Variants in LPIN1 observed in about 807,000 individuals in gnomAD.
LPIN1 encodes the protein lipin 1, also known as phosphatidate phosphatase LPIN1.
Under a neutral mutation model 107.5 loss-of-function variants are expected in LPIN1, and 71 were observed. That is an observed-to-expected ratio of 0.66 (90% confidence interval 0.55 to 0.80). The LOEUF (loss-of-function observed/expected upper bound fraction) is 0.80. Ranked by LOEUF, LPIN1 falls within the 30% of genes least tolerant of loss-of-function variation. The pLI, the probability that LPIN1 is intolerant of heterozygous loss-of-function variation, is 0.00. For synonymous variants in LPIN1, 445 were observed against 452.6 expected (o/e 0.98, Z 0.21); for missense variants, 1,043 against 1,160.6 (o/e 0.90, Z 1.47).
In LPIN1 at chr2:11,707,037, C is replaced by T. The variant is rs1338277249; in HGVS notation, c.82-6719C>T. Among the ~76,000 whole-genome samples, 23 of 152,180 alleles carry T rather than the reference C, an allele frequency of 1.5e-4. No individual in the cohort carries two copies. Among genetic ancestry groups the T allele is most frequent in the South Asian group, 8.3e-4 (4 of 4,824 alleles). Reference sequence around the variant, plus strand: ...TGAAAGAGCATGGGTACTGACTAAACGTTACCTTTGTAGCAATTAGCCATA... The same window carrying T: ...TGAAAGAGCATGGGTACTGACTAAATGTTACCTTTGTAGCAATTAGCCATA... On this transcript the variant is annotated intron_variant, in intron 1 of 21. Transcript: ENST00000449576. The surrounding 1 kb of genome is among the most constrained non-coding windows in gnomAD (Gnocchi z 4.2).
intron 3 of LPIN1, among the ~76,000 whole-genome samples, chr2:11,770,608 A>T (rs1671685187): frequency 6.6e-6 from 1 of 152,166 alleles, no homozygotes; most frequent in South Asian, 2.1e-4. Flanking sequence ...TATTTGAATG[A>T]TCAGCAGCAC....
At chr2:11,720,893 A>G (rs1327029583), upstream of LPIN1, among the ~76,000 whole-genome samples, 1 of 151,940 alleles carries the variant, frequency 6.6e-6, no homozygotes, top group Non-Finnish European at 1.5e-5. Flanking sequence ...CATATGAAGC[A>G]AGGTGCGAGA....
chr2:11,733,878 G>A (rs1332020086), intron 1 of LPIN1, among the ~76,000 whole-genome samples: 3 of 152,172 alleles, frequency 2.0e-5, no homozygotes, highest in African/African-American at 4.8e-5. Context: ...AAGTTCCATT[G>A]TACAAAAAGC....
rs375829100 is a variant in LPIN1 at position 11,796,296 on chromosome 2, C to T, written c.1886+809C>T. ...AGTCGTTTCCAAAGTGTTGCTCAAC[C>T]GTCACTGAACCACTGAGGTTTTCTC... is the stretch of plus-strand genomic sequence containing the variant. On this transcript the variant is annotated intron_variant, in intron 14 of 20. Coordinates refer to ENST00000674199, the MANE Select transcript of LPIN1 (RefSeq NM_001349206.2). Among the ~76,000 whole-genome samples the T allele has an allele frequency of 6.6e-5, 10 of 152,122 alleles. No individual in the cohort carries two copies. In the East Asian group the frequency reaches 1.2e-3, roughly 18 times the overall value.
At chr2:11,795,270 G>A (rs1260037308) in intron 13 of LPIN1, 138 bp from the exon 14 acceptor site, 5 of 734,796 alleles carry the variant, frequency 6.8e-6, no homozygotes, top group South Asian at 2.9e-5. Context: ...CCTCCTGGGC[G>A]ATCGCTAGGG....
intron 12 of LPIN1, among the ~76,000 whole-genome samples, chr2:11,790,180 T>G (rs1251117357): frequency 1.3e-5 from 2 of 152,224 alleles, no homozygotes; most frequent in Non-Finnish European, 2.9e-5. Context: ...AGCAAACCAG[T>G]TTTTTTCTCA....
chr2:11,733,637 G>A (rs1665495741), intron 1 of LPIN1, among the ~76,000 whole-genome samples: 1 of 152,082 alleles, frequency 6.6e-6, no homozygotes. Flanking sequence ...GATTACAGGT[G>A]TGCACAACGA....
intron 2 of LPIN1, among the ~76,000 whole-genome samples, chr2:11,719,080 C>G (rs1663947237): frequency 6.6e-6 from 1 of 152,046 alleles, no homozygotes; most frequent in South Asian, 2.1e-4. Flanking sequence ...CTAATTATTT[C>G]TTCTTTACAG....
At chr2:11,804,392 C>T in intron 15 of LPIN1, 31 bp from the exon 16 acceptor site, 2 of 1,613,716 alleles carry the variant, frequency 1.2e-6, no homozygotes, top group Non-Finnish European at 1.7e-6. Flanking sequence ...TTCCCTCAAG[C>T]AGACAAATAC....
chr2:11,740,051 C>T (rs1002841356), intron 1 of LPIN1, among the ~76,000 whole-genome samples: 2 of 152,202 alleles, frequency 1.3e-5, no homozygotes. Context: ...GGTGACATAG[C>T]TCAGTCTGAG....
chr2:11,810,180 A>T (rs1390105224), intron 17 of LPIN1, among the ~76,000 whole-genome samples: 1 of 152,170 alleles, frequency 6.6e-6, no homozygotes, highest in Non-Finnish European at 1.5e-5. Context: ...GGGAGGAGAC[A>T]CTTAGGGCTC....
chr2:11,681,230 T>C (rs79780569), intron 1 of LPIN1, among the ~76,000 whole-genome samples: 10,596 of 152,224 alleles, frequency 0.07, 489 homozygotes, highest in Middle Eastern at 0.14. Flanking sequence ...TCAAGGCCCC[T>C]CAAAGGCTGG....
intron 20 of LPIN1, among the ~76,000 whole-genome samples, chr2:11,820,920 C>T (rs1163790976): frequency 6.6e-6 from 1 of 152,200 alleles, no homozygotes; most frequent in Non-Finnish European, 1.5e-5. Flanking sequence ...TTACCAGAGA[C>T]ATTGCTGTGT....
chr2:11,776,568 G>C (rs1237195342), intron 6 of LPIN1, among the ~76,000 whole-genome samples: 1 of 151,924 alleles, frequency 6.6e-6, no homozygotes, highest in Non-Finnish European at 1.5e-5. Context: ...TCTGTTTTCT[G>C]TCTCGGGTTG....
intron 1 of LPIN1, among the ~76,000 whole-genome samples, chr2:11,706,390 A>G (rs1663131384): frequency 6.6e-6 from 1 of 152,216 alleles, no homozygotes; most frequent in Admixed American, 6.5e-5. Flanking sequence ...TGGGTGGTAA[A>G]GGAAAGAATG....
At chr2:11,782,616 C>A (rs895642316) in intron 8 of LPIN1, 109 bp downstream of exon 8, 5 of 1,214,606 alleles carry the variant, frequency 4.1e-6, no homozygotes, top group East Asian at 4.8e-5. Context: ...GAAACTGAAC[C>A]GTGACAATGA....
At position 11,795,490 on chromosome 2, in the gene LPIN1, G is replaced by A. The variant is rs771122741; in HGVS notation, c.1886+3G>A. 1.2e-6 allele frequency: 2 copies of A among 1,613,870 alleles called. No individual in the cohort carries two copies. The highest frequency in any genetic ancestry group is 1.7e-5 in the Admixed American group (1 of 60,028). On this transcript the variant is annotated splice_donor_region_variant and intron_variant, in intron 14 of 20. Coordinates refer to ENST00000674199, the MANE Select transcript of LPIN1 (RefSeq NM_001349206.2). ...CCGCAGCTCAGCTTGGCCACCAGGT[G>A]CGGTAGGAGGCTTCTTGGGATGTTT...
chr2:11,795,553 G>A, intron 14 of LPIN1, 66 bp downstream of exon 14: 3 of 1,387,300 alleles, frequency 2.2e-6, no homozygotes, highest in Non-Finnish European at 3.1e-6. Context: ...GGCGTGTGCT[G>A]CCTGGATGCA....
chr2:11,696,502 A>C (rs1216445917), intron 1 of LPIN1, among the ~76,000 whole-genome samples: 3 of 152,222 alleles, frequency 2.0e-5, no homozygotes, highest in Non-Finnish European at 4.4e-5. Flanking sequence ...ATTTTGACTT[A>C]AACTAGATGT....
Sources: allele counts gnomAD v4.1 joint callset (sites outside exome capture counted in the v4.1 genomes callset), GRCh38; gene constraint gnomAD v4.1.1; non-coding constraint Gnocchi (gnomAD v3.1); transcripts MANE v1.5; gene names NCBI Gene and HGNC (gene_info 2026-07-23, HGNC 2026-07-21).